The following CDK5RAP2 variants were observed in gnomAD, a reference collection of about 807,000 sequenced individuals.
CDK5RAP2 encodes CDK5 regulatory subunit associated protein 2, also known as CDK5 regulatory subunit-associated protein 2.
CDK5RAP2 carries 147 observed loss-of-function variants against 232.9 expected under a neutral mutation model. The ratio of observed to expected loss-of-function variants is 0.63; its 90% CI spans 0.55 to 0.72. CDK5RAP2 has a LOEUF of 0.72. CDK5RAP2 is among the 30% of genes least tolerant of loss of function. The probability of loss-of-function intolerance (pLI) is 0.00; values close to 1 mark genes in which losing one functional copy is unlikely to be tolerated. For missense variants in CDK5RAP2, 2,195 were observed against 2,231.5 expected, an observed-to-expected ratio of 0.98 and a Z score of 0.33; for synonymous variants, 833 against 833.7, an observed-to-expected ratio of 1.00 and a Z score of 0.01.
At chr9:120,498,510 C>A (rs1020847281) in intron 12 of CDK5RAP2, among the ~76,000 whole-genome samples, 1 of 152,060 alleles carries the variant, frequency 6.6e-6, no homozygotes, top group Non-Finnish European at 1.5e-5. Flanking sequence ...ATCCTGAACC[C>A]GAAAAGGGTC....
At position 120,394,534 on chromosome 9, in the gene CDK5RAP2, C is replaced by T; in HGVS notation, c.5556G>A (p.Gln1852=). The change falls in exon 36 of 38, where the codon CAG becomes CAA. Residue 1852 remains glutamine, a synonymous_variant. Coordinates refer to ENST00000349780, the MANE Select transcript of CDK5RAP2 (RefSeq NM_018249.6). The stretch of plus-strand genomic sequence containing the variant: ...CACATTGATCAAAGATGACTTTTTC[C>T]TGGCGCTTGCTCAGCTGCAAAAGCT... The part of the protein sequence containing the change: ...TMKLLQLSKR[Q]EKVIFDQLVV... 3.1e-6 allele frequency: 5 copies of T among 1,614,184 alleles called. No homozygotes were observed. Among genetic ancestry groups the T allele is most frequent in the Non-Finnish European group, 4.2e-6 (5 of 1,180,042 alleles).
rs1192568110 is a variant in CDK5RAP2 at position 120,419,891 on chromosome 9, C to T, written c.4074G>A (p.Ala1358=). The T allele has an allele frequency of 4.3e-6, 7 of 1,613,418 alleles. No individual in the cohort carries two copies. The highest frequency in any genetic ancestry group is 3.3e-5 in the Admixed American group (2 of 60,010). The change falls in exon 27 of 38, where the codon GCG becomes GCA. Residue 1358 remains alanine (A), a synonymous_variant. Transcript: ENST00000349780. ...TTTCAGATGTTTCATAATCAGAGAGCGCATGAGAGGCTGAAGGCTCAGGAG... is the reference window on the plus strand; with the variant it reads ...TTTCAGATGTTTCATAATCAGAGAGTGCATGAGAGGCTGAAGGCTCAGGAG... ...PESPEPSASH[A]LSDYETSEKS...
intron 4 of CDK5RAP2, 66 bp downstream of exon 4, chr9:120,550,726 A>C (rs1564368759): frequency 2.7e-5 from 25 of 932,304 alleles, no homozygotes; most frequent in Non-Finnish European, 3.8e-5. Context: ...AATATTAATC[A>C]AATTTCTGCT....
At chr9:120,577,697 T>C (rs1386445506) in intron 1 of CDK5RAP2, among the ~76,000 whole-genome samples, 2 of 152,218 alleles carry the variant, frequency 1.3e-5, no homozygotes, top group African/African-American at 4.8e-5. Context: ...ATTTTAATCC[T>C]TATGCCAACC....
chr9:120,557,665 TGGA>T (rs983530876), intron 3 of CDK5RAP2, among the ~76,000 whole-genome samples: 8 of 151,746 alleles, frequency 5.3e-5, no homozygotes, highest in Non-Finnish European at 2.9e-5. Flanking sequence ...TGGCTGAGGC[TGGA>T]GGATCACTTG....
intron 32 of CDK5RAP2, chr9:120,406,609 A>C: frequency 4.7e-6 from 1 of 212,908 alleles, no homozygotes; most frequent in Non-Finnish European, 9.5e-6. Context: ...TTTTAAACCT[A>C]TCAGGATGAT....
chr9:120,479,347 A>T (rs2038186357), intron 14 of CDK5RAP2, among the ~76,000 whole-genome samples: 1 of 152,194 alleles, frequency 6.6e-6, no homozygotes, highest in Non-Finnish European at 1.5e-5. Context: ...AGAAACACAA[A>T]AGGATGCTAA....
intron 20 of CDK5RAP2, among the ~76,000 whole-genome samples, chr9:120,455,613 T>G (rs1475889544): frequency 6.6e-6 from 1 of 151,982 alleles, no homozygotes; most frequent in Non-Finnish European, 1.5e-5. Context: ...GATGATGGCA[T>G]GTGACTGTAG....
intron 14 of CDK5RAP2, among the ~76,000 whole-genome samples, chr9:120,485,329 T>C (rs2038541214): frequency 6.7e-6 from 1 of 148,536 alleles, no homozygotes; most frequent in Admixed American, 6.7e-5. Flanking sequence ...GGAGTCTTGC[T>C]CTGTTGCCAG....
chr9:120,419,867 T>C lies in CDK5RAP2; in HGVS notation c.4098A>G (p.Glu1366=), dbSNP rs2034461161. ...SHALSDYETS[E]KSFFSRDQKQ... is the part of the protein sequence containing the mutation. ...TCTGGTCTCGTGAGAAGAAGGACTT[T>C]TCAGATGTTTCATAATCAGAGAGCG... Residue 1366 remains glutamate, a synonymous_variant, in exon 27 of 38, where the codon GAA becomes GAG. Coordinates refer to ENST00000349780, the MANE Select transcript of CDK5RAP2 (RefSeq NM_018249.6). 6.2e-7 allele frequency: 1 copy of C among 1,613,620 alleles called. No homozygotes were observed. Among genetic ancestry groups the C allele is most frequent in the Non-Finnish European group, 8.5e-7 (1 of 1,179,516 alleles).
At chr9:120,412,138 C>G (rs2033887983) in intron 28 of CDK5RAP2, among the ~76,000 whole-genome samples, 2 of 152,212 alleles carry the variant, frequency 1.3e-5, no homozygotes, top group South Asian at 4.1e-4. Context: ...TTACTCTCTA[C>G]TCAAAAACAT....
At chr9:120,433,794 C>G (rs181850130) in intron 25 of CDK5RAP2, among the ~76,000 whole-genome samples, 2 of 152,326 alleles carry the variant, frequency 1.3e-5, no homozygotes, top group Admixed American at 6.5e-5. Flanking sequence ...CTCTGCCATT[C>G]ACTCCACAAA....
chr9:120,389,804 G>A lies in CDK5RAP2; in HGVS notation c.5579-17C>T. 3.1e-6 allele frequency: 5 copies of A among 1,613,306 alleles called. No homozygotes were observed. The highest frequency in any genetic ancestry group is 4.2e-6 in the Non-Finnish European group (5 of 1,179,212). On this transcript the variant is annotated splice_polypyrimidine_tract_variant and intron_variant, in intron 36 of 37. Coordinates refer to ENST00000349780, the MANE Select transcript of CDK5RAP2 (RefSeq NM_018249.6). ...TTACGACCACTGAGGAGAGAGCAAA[G>A]AATGCAATGATTAGGGCCATGGATA...
At chr9:120,417,285 C>A (rs773299370) in intron 27 of CDK5RAP2, among the ~76,000 whole-genome samples, 4 of 151,360 alleles carry the variant, frequency 2.6e-5, no homozygotes, top group African/African-American at 9.7e-5. Flanking sequence ...TGCACCTCCA[C>A]GCTCCTTAAA....
At chr9:120,494,688 G>A (rs2039074033) in intron 12 of CDK5RAP2, among the ~76,000 whole-genome samples, 1 of 151,602 alleles carries the variant, frequency 6.6e-6, no homozygotes, top group Admixed American at 6.6e-5. Flanking sequence ...AGAATAGAAG[G>A]AAAGATAGAA....
chr9:120,389,950 C>G (rs1191744611), intron 36 of CDK5RAP2, 163 bp from the exon 37 acceptor site: 1 of 693,602 alleles, frequency 1.4e-6, no homozygotes, highest in Admixed American at 2.1e-5. Flanking sequence ...AAGGGCCCAC[C>G]TGACCCATCA....
At chr9:120,413,956 A>T (rs1273971504) in intron 28 of CDK5RAP2, among the ~76,000 whole-genome samples, 1 of 152,204 alleles carries the variant, frequency 6.6e-6, no homozygotes, top group East Asian at 1.9e-4. Flanking sequence ...TGATGGCTAG[A>T]GAAGAATGAG....
intron 36 of CDK5RAP2, among the ~76,000 whole-genome samples, chr9:120,393,796 G>A (rs563136162): frequency 6.6e-6 from 1 of 152,322 alleles, no homozygotes; most frequent in East Asian, 1.9e-4. Context: ...CTCGGCATCT[G>A]CCTTGAGAAG....
chr9:120,445,597 C>T (rs2036142801), intron 22 of CDK5RAP2, among the ~76,000 whole-genome samples: 1 of 152,140 alleles, frequency 6.6e-6, no homozygotes, highest in Non-Finnish European at 1.5e-5. Context: ...ATCCTCAGTC[C>T]TTGTCTTACC....
Sources: allele counts gnomAD v4.1 joint callset (sites outside exome capture counted in the v4.1 genomes callset), GRCh38; gene constraint gnomAD v4.1.1; transcripts MANE v1.5; gene names NCBI Gene and HGNC (gene_info 2026-07-23, HGNC 2026-07-21).